LARP7: variants seen among roughly 807,000 people sequenced by gnomAD.
The protein encoded by LARP7 is la-related protein 7.
In LARP7, 52 loss-of-function variants were observed where a neutral mutation model predicts 69.3. The ratio of observed to expected loss-of-function variants is 0.75; its 90% confidence interval spans 0.60 to 0.95. LARP7 has a LOEUF of 0.95. Among genes scored for constraint, LARP7 ranks in the 40% least tolerant of loss-of-function variants. LARP7 has a pLI of 0.00. For synonymous variants in LARP7, 254 were observed against 215.9 expected, an observed-to-expected ratio of 1.18 and a Z score of -1.55; for missense variants, 733 against 673.0, an observed-to-expected ratio of 1.09 and a Z score of -0.99.
rs528390304 is a variant in LARP7, at chr4:112,657,230, G to T, written c.1669-17G>T. On this transcript the variant is annotated splice_polypyrimidine_tract_variant and intron_variant, in intron 12 of 12. Coordinates refer to ENST00000344442, the MANE Select transcript of LARP7 (RefSeq NM_016648.4). ...GAGTATCCAATACATTTTAATTTTT[G>T]ATTTATTTCTCTTTAGTTAATCACC... 103 of 1,301,010 alleles carry T rather than the reference G, an allele frequency of 7.9e-5. No homozygotes were observed. In the African/African-American group the frequency reaches 8.3e-4, roughly 10 times the overall value. The allele number at this position is 1,301,010 out of a possible 1,614,324, so 80.6% of individuals were successfully genotyped here.
intron 1 of LARP7, among the ~76,000 whole-genome samples, chr4:112,638,409 T>G (rs1278160232): frequency 6.6e-6 from 1 of 152,222 alleles, no homozygotes; most frequent in African/African-American, 2.4e-5. Flanking sequence ...AAGTTATCTA[T>G]GTCTTTCGTG....
rs574329211 is a variant in LARP7 at position 112,648,055 on chromosome 4, C to G, written c.1142+221C>G. 3 of 642,100 alleles carry G rather than the reference C, an allele frequency of 4.7e-6. No individual in the cohort carries two copies. In the African/African-American group the frequency reaches 5.3e-5, roughly 11 times the overall value. The allele number at this position is 642,100 out of a possible 1,614,324, so 39.8% of individuals were successfully genotyped here. ...TTTTGTCATGTCACAGCAAGTGCCTCCATGTTAAAGTAGAGGGGGCCCCTT... is the reference window on the plus strand; with the variant it reads ...TTTTGTCATGTCACAGCAAGTGCCTGCATGTTAAAGTAGAGGGGGCCCCTT... On this transcript the variant is annotated intron_variant, in intron 8 of 12. Coordinates refer to ENST00000344442, the MANE Select transcript of LARP7 (RefSeq NM_016648.4).
chr4:112,640,687 C>T (rs2047926013), intron 1 of LARP7, among the ~76,000 whole-genome samples: 1 of 152,032 alleles, frequency 6.6e-6, no homozygotes, highest in Non-Finnish European at 1.5e-5. Flanking sequence ...ACAACAGACT[C>T]CATCTCAATA....
chr4:112,644,442 T>G, intron 1 of LARP7: 1 of 1,171,698 alleles, frequency 8.5e-7, no homozygotes, highest in Non-Finnish European at 1.1e-6. Flanking sequence ...TGGCCCTGTG[T>G]TTTAAAAGGT....
Position 112,657,451 on chromosome 4 carries a change from C to T in LARP7, c.*124C>T, listed in dbSNP as rs1193061216. ...TTAATTAAAAGAAATATCTTTGTTC[C>T]TCAACTTGTAAATAAGACTTTTTTC... On this transcript the variant is annotated 3_prime_UTR_variant, in exon 13 of 13. Coordinates refer to ENST00000344442, the MANE Select transcript of LARP7 (RefSeq NM_016648.4). The T allele has an allele frequency of 6.8e-6, 3 of 440,106 alleles. No individual in the cohort carries two copies. The highest frequency in any genetic ancestry group is 2.0e-5 in the African/African-American group (1 of 48,860). 27.3% of individuals were successfully genotyped at this position (440,106 alleles called of 1,614,324 possible).
At position 112,644,702 on chromosome 4, in the gene LARP7, A is replaced by C. The variant is rs747311358; in HGVS notation, c.33A>C (p.Val11=). 6.2e-7 allele frequency: 1 copy of C among 1,610,268 alleles called. No individual in the cohort carries two copies. The highest frequency in any genetic ancestry group is 8.5e-7 in the Non-Finnish European group (1 of 1,177,768). ...CTGAAAGTGGAAATCAGGAAAAGGT[A>C]ATGGAAGAAGAAAGCACTGAAAAGA... METESGNQEK[V]MEEESTEKKK... The change falls in exon 2 of 13, where the codon GTA becomes GTC. Residue 11 remains valine (V), a synonymous_variant. Transcript: ENST00000344442.
chr4:112,645,676 G>A lies in LARP7; in HGVS notation c.203-675G>A, dbSNP rs748919227. The A allele has an allele frequency of 2.2e-4, 94 of 433,564 alleles. 1 individual carries two copies. The Middle Eastern group carries it at 2.2e-3, about 10-fold the overall frequency. The allele number at this position is 433,564 out of a possible 1,614,324, so 26.9% of individuals were successfully genotyped here. ...CTGAGAACACAGGCAAGCATCACCA[G>A]GCCGGCTTTTTTTTCTGGCATTTTT... On this transcript the variant is annotated intron_variant, in intron 2 of 12. Transcript: ENST00000344442.
chr4:112,654,896 A>G (rs1054068469), intron 12 of LARP7: 1 of 152,196 alleles, frequency 6.6e-6, no homozygotes, highest in Non-Finnish European at 1.5e-5. Context: ...GCATATTATA[A>G]AAGTGTAAGA....
At chr4:112,639,474 C>G (rs1338131710) in intron 1 of LARP7, among the ~76,000 whole-genome samples, 1 of 152,020 alleles carries the variant, frequency 6.6e-6, no homozygotes, top group Non-Finnish European at 1.5e-5. Flanking sequence ...TCGTGATCCG[C>G]CCGCCTTGGC....
At position 112,647,081 on chromosome 4, in the gene LARP7, T is replaced by G; in HGVS notation, c.600T>G (p.Phe200Leu). ...PEEAPRKPGI[F>L]PKTVKNKPIP... is the part of the protein sequence containing the mutation. The stretch of plus-strand genomic sequence containing the variant: ...AAGCACCAAGAAAACCTGGCATATT[T>G]CCTAAAACAGTGAAAAATAAGCCCA... Residue 200 changes from phenylalanine (F) to leucine (L), a missense_variant, in exon 6 of 13, where the codon TTT (phenylalanine) becomes TTG (leucine). Phe to Leu is a conservative substitution (Grantham distance 22). Transcript: ENST00000344442. 6.2e-7 allele frequency: 1 copy of G among 1,611,770 alleles called. No individual in the cohort carries two copies. Among genetic ancestry groups the G allele is most frequent in the Non-Finnish European group, 8.5e-7 (1 of 1,179,522 alleles).
intron 1 of LARP7, among the ~76,000 whole-genome samples, chr4:112,642,115 G>A (rs557180590): frequency 9.2e-5 from 14 of 152,288 alleles, no homozygotes; most frequent in Admixed American, 5.9e-4. Flanking sequence ...TTTTCAAGGA[G>A]GGAGTTACCA....
chr4:112,637,637 T>G (rs2047729378), intron 1 of LARP7: 1 of 152,236 alleles, frequency 6.6e-6, no homozygotes, highest in African/African-American at 2.4e-5. Flanking sequence ...ATCATCTTCT[T>G]TTGCAGGACT....
rs2048626405 is a variant in LARP7, at chr4:112,649,795, A to G, written c.1294+109A>G. The G allele has an allele frequency of 1.7e-5, 11 of 652,004 alleles. No individual in the cohort carries two copies. In the South Asian group the frequency reaches 2.0e-4, roughly 12 times the overall value. The allele number at this position is 652,004 out of a possible 1,614,324, so 40.4% of individuals were successfully genotyped here. On this transcript the variant is annotated intron_variant, in intron 9 of 12. Coordinates refer to ENST00000344442, the MANE Select transcript of LARP7 (RefSeq NM_016648.4). ...TAATTTTAAAAAACTTGATTATTCT[A>G]TTTCATTATTAGAACAATTCTTGAT... is the stretch of plus-strand genomic sequence containing the variant.
chr4:112,644,461 AC>A, intron 1 of LARP7: 1 of 1,194,878 alleles, frequency 8.4e-7, no homozygotes, highest in Non-Finnish European at 1.1e-6. Context: ...GTACAAAGAA[AC>A]TAAAGCTATG....
intron 1 of LARP7, among the ~76,000 whole-genome samples, chr4:112,639,585 G>A (rs955723099): frequency 3.3e-5 from 5 of 151,826 alleles, no homozygotes; most frequent in African/African-American, 9.7e-5. Context: ...ATTATGTTAC[G>A]GGAAGGTGCT....
chr4:112,640,520 G>A (rs2047919750), intron 1 of LARP7, among the ~76,000 whole-genome samples: 1 of 152,006 alleles, frequency 6.6e-6, no homozygotes, highest in African/African-American at 2.4e-5. Context: ...TGGCCAAAAT[G>A]ATGAAACCGC....
chr4:112,643,157 G>T (rs566094381), intron 1 of LARP7, among the ~76,000 whole-genome samples: 4 of 152,282 alleles, frequency 2.6e-5, no homozygotes, highest in African/African-American at 7.2e-5. Context: ...CATCTAGGAA[G>T]GATAAACAAC....
At chr4:112,652,523 AGGTT>A (rs1209863622) in intron 10 of LARP7, among the ~76,000 whole-genome samples, 1 of 152,032 alleles carries the variant, frequency 6.6e-6, no homozygotes, top group Non-Finnish European at 1.5e-5. Flanking sequence ...TGTTTAGAAG[AGGTT>A]ACTTAGGTAT....
Position 112,647,835 on chromosome 4 carries a change from G to C in LARP7, c.1142+1G>C. The C allele has an allele frequency of 6.3e-7, 1 of 1,582,586 alleles. No individual in the cohort carries two copies. The highest frequency in any genetic ancestry group is 8.7e-7 in the Non-Finnish European group (1 of 1,152,904). On this transcript the variant is annotated splice_donor_variant, in intron 8 of 12. Transcript: ENST00000344442. LOFTEE classifies it high-confidence loss of function. ...TTATACCATTAAGAGTGCTATCAAA[G>C]TAAGTCTGTGGTTTAAATTCTGTCA... is the stretch of plus-strand genomic sequence containing the variant.
Sources: gnomAD v4.1 joint callset for allele counts (sites outside exome capture counted in the v4.1 genomes callset) on GRCh38, gnomAD v4.1.1 for gene constraint, MANE v1.5 for transcripts, NCBI Gene and HGNC (gene_info 2026-07-23, HGNC 2026-07-21) for gene names.